EIPR1: variants seen among roughly 807,000 people sequenced by gnomAD.
EIPR1 encodes the protein EARP and GARP complex-interacting protein 1.
In EIPR1, 25 loss-of-function variants were observed where a neutral mutation model predicts 48.1. The ratio of observed to expected loss-of-function variants is 0.52; its 90% confidence interval spans 0.38 to 0.73. The LOEUF is 0.73. EIPR1 is among the 30% of genes least tolerant of loss of function. EIPR1 has a pLI of 0.00. For synonymous variants in EIPR1, 204 were observed against 201.9 expected, an observed-to-expected ratio of 1.01 and a Z score of -0.09; for missense variants, 415 against 506.2, an observed-to-expected ratio of 0.82 and a Z score of 1.73.
chr2:3,360,404 C>CAA (rs1386156001), intron 1 of EIPR1, among the ~76,000 whole-genome samples: 4 of 127,280 alleles, frequency 3.1e-5, no homozygotes, highest in African/African-American at 1.2e-4. Flanking sequence ...GACTCCATCT[C>CAA]AAAAAAAAAA....
rs35912767 is a variant in EIPR1 at position 3,350,117 on chromosome 2, C to CAAAA, written c.126+4429_126+4432dup. ...TGGGTGAGAGAGTAAGACTCTGTCT[C>CAAAA]AAAAAAAAAAAAAAAAAAAAAAAAA... On this transcript the variant is annotated intron_variant, in intron 2 of 8. Coordinates refer to ENST00000382125, the MANE Select transcript of EIPR1 (RefSeq NM_003310.5). 2.6e-3 allele frequency among the ~76,000 whole-genome samples: 148 copies of CAAAA among 57,460 alleles called. 12 individuals carry two copies. The highest frequency in any genetic ancestry group is 2.8e-3 in the Non-Finnish European group (98 of 34,652). 37.7% of individuals were successfully genotyped at this position (57,460 alleles called of 152,430 possible).
chr2:3,195,438 T>C (rs80283188), intron 6 of EIPR1, among the ~76,000 whole-genome samples: 9,496 of 152,318 alleles, frequency 0.062, 383 homozygotes, highest in South Asian at 0.099. Context: ...GTAGAGGAAC[T>C]CAATTCCTTT....
chr2:3,190,470 G>A (rs917051175), intron 8 of EIPR1, among the ~76,000 whole-genome samples: 4 of 152,214 alleles, frequency 2.6e-5, no homozygotes, highest in African/African-American at 9.6e-5. Context: ...AATGCCAGGT[G>A]CAAATCCTTA....
chr2:3,201,735 A>G (rs550485302), intron 5 of EIPR1, among the ~76,000 whole-genome samples: 2 of 152,350 alleles, frequency 1.3e-5, no homozygotes, highest in East Asian at 3.9e-4. Flanking sequence ...GTTGGGGAGT[A>G]GGTCAAAATA....
At chr2:3,370,976 C>G (rs956432846) in intron 1 of EIPR1, among the ~76,000 whole-genome samples, 11 of 152,090 alleles carry the variant, frequency 7.2e-5, no homozygotes, top group East Asian at 5.8e-4. Context: ...AAATGTTAAG[C>G]GCAGCCAGAG....
intron 3 of EIPR1, among the ~76,000 whole-genome samples, chr2:3,299,916 C>T (rs1668718915): frequency 6.6e-6 from 1 of 152,200 alleles, no homozygotes; most frequent in Non-Finnish European, 1.5e-5. Flanking sequence ...TGCTCAGAGC[C>T]CAGACTCAGC....
chr2:3,298,628 C>T (rs996627157), intron 3 of EIPR1, among the ~76,000 whole-genome samples: 2 of 151,998 alleles, frequency 1.3e-5, no homozygotes, highest in Non-Finnish European at 2.9e-5. Flanking sequence ...TGTCCTCCCC[C>T]GAGAAGATGT....
chr2:3,303,333 C>T (rs1469082124), intron 3 of EIPR1, among the ~76,000 whole-genome samples: 2 of 152,210 alleles, frequency 1.3e-5, no homozygotes, highest in African/African-American at 4.8e-5. Flanking sequence ...CTCACCAGGG[C>T]CATGGCCCAG....
chr2:3,312,954 T>A lies in EIPR1; in HGVS notation c.259+25063A>T, dbSNP rs1669173287. On this transcript the variant is annotated intron_variant, in intron 3 of 8. Transcript: ENST00000382125. This position sits in a 1 kb window ranked among gnomAD's most constrained non-coding sequence, Gnocchi z 5.5. ...AAACTACTCCTTATTTACCTGAAAT[T>A]CAAGTTTAACAGGATATCCTGTGTT... Among the ~76,000 whole-genome samples, 1 of 152,172 alleles carries A rather than the reference T, an allele frequency of 6.6e-6. No homozygotes were observed. The highest frequency in any genetic ancestry group is 2.1e-4 in the South Asian group (1 of 4,830).
chr2:3,335,652 T>C (rs1181801255), intron 3 of EIPR1, among the ~76,000 whole-genome samples: 3 of 152,214 alleles, frequency 2.0e-5, no homozygotes, highest in South Asian at 2.1e-4. Context: ...AATCCCCACA[T>C]GTCCAGGGAG....
At chr2:3,298,669 T>C (rs964020534) in intron 3 of EIPR1, among the ~76,000 whole-genome samples, 7 of 150,232 alleles carry the variant, frequency 4.7e-5, no homozygotes, top group African/African-American at 1.7e-4. Flanking sequence ...TACCAAGAGC[T>C]CACTCAGTAT....
At chr2:3,348,749 G>A (rs971843574) in intron 2 of EIPR1, among the ~76,000 whole-genome samples, 6 of 152,246 alleles carry the variant, frequency 3.9e-5, no homozygotes, top group African/African-American at 1.2e-4. Context: ...ACTGAAAGGA[G>A]CGAGGACCTG....
rs185623380 is a variant in EIPR1 at position 3,295,407 on chromosome 2, C to G, written c.260-37952G>C. ...CCAGGCTATCCTCTCTACACACACA[C>G]CCTCCATCCAGCCCATCCTCTCTGC... On this transcript the variant is annotated intron_variant, in intron 3 of 8. Coordinates refer to ENST00000382125, the MANE Select transcript of EIPR1 (RefSeq NM_003310.5). 4.5e-4 allele frequency among the ~76,000 whole-genome samples: 64 copies of G among 140,860 alleles called. No homozygotes were observed. In the East Asian group the frequency reaches 0.014, roughly 31 times the overall value. The allele number at this position is 140,860 out of a possible 152,430, so 92.4% of individuals were successfully genotyped here.
At chr2:3,207,986 C>G (rs4854136) in intron 5 of EIPR1, 140,247 of 152,824 alleles carry the variant, frequency 0.92, 64,647 homozygotes, top group East Asian at 0.98. Context: ...AACAAATATC[C>G]AAAACATAAA....
In EIPR1 at chr2:3,310,186, A is replaced by G. The variant is rs1426581073; in HGVS notation, c.259+27831T>C. On this transcript the variant is annotated intron_variant, in intron 3 of 8. Coordinates refer to ENST00000382125, the MANE Select transcript of EIPR1 (RefSeq NM_003310.5). ...TGGTTCAGCGCCAAGGTCAGAAAAC[A>G]ATGTTTCCACAGTCACCCAAGATTG... 3.9e-5 allele frequency among the ~76,000 whole-genome samples: 6 copies of G among 152,300 alleles called. No individual in the cohort carries two copies. The East Asian group carries it at 1.2e-3, about 29-fold the overall frequency.
intron 4 of EIPR1, among the ~76,000 whole-genome samples, chr2:3,251,827 C>A (rs1473981505): frequency 1.3e-5 from 2 of 152,216 alleles, no homozygotes; most frequent in African/African-American, 2.4e-5. Flanking sequence ...GGAACAGAGA[C>A]AATTTCATAA....
At chr2:3,306,569 G>A (rs969722925) in intron 3 of EIPR1, among the ~76,000 whole-genome samples, 2 of 152,168 alleles carry the variant, frequency 1.3e-5, no homozygotes, top group African/African-American at 4.8e-5. Context: ...ATAAATAGTA[G>A]ATTAACATAT....
chr2:3,217,257 T>G (rs1471979696), intron 4 of EIPR1, among the ~76,000 whole-genome samples: 1 of 152,228 alleles, frequency 6.6e-6, no homozygotes, highest in East Asian at 1.9e-4. Context: ...AACACTAGCA[T>G]GTACTCACAA....
At chr2:3,246,485 T>G (rs1337114008) in intron 4 of EIPR1, among the ~76,000 whole-genome samples, 1 of 152,092 alleles carries the variant, frequency 6.6e-6, no homozygotes, top group Non-Finnish European at 1.5e-5. Context: ...ACGTACACCC[T>G]GCTTTCCCAG....
Sources: allele counts gnomAD v4.1 joint callset (sites outside exome capture counted in the v4.1 genomes callset), GRCh38; gene constraint gnomAD v4.1.1; non-coding constraint Gnocchi (gnomAD v3.1); transcripts MANE v1.5; gene names NCBI Gene and HGNC (gene_info 2026-07-23, HGNC 2026-07-21).